GFOD2: variants seen among roughly 807,000 people sequenced by gnomAD.
GFOD2 encodes Gfo/Idh/MocA-like oxidoreductase domain containing 2.
GFOD2 carries 9 observed loss-of-function variants against 24.6 expected under a neutral mutation model. That is an observed-to-expected ratio of 0.37 (90% confidence interval 0.22 to 0.64). The LOEUF (loss-of-function observed/expected upper bound fraction) is 0.64, where lower values mean the gene tolerates loss of function less well. Ranked by LOEUF, GFOD2 falls within the 30% of genes least tolerant of loss-of-function variation. GFOD2 has a pLI of 0.65. For missense variants in GFOD2, 476 were observed against 532.5 expected, an observed-to-expected ratio of 0.89 and a Z score of 1.04; for synonymous variants, 211 against 224.8, an observed-to-expected ratio of 0.94 and a Z score of 0.55.
chr16:67,689,101 G>A (rs1288112068), intron 1 of GFOD2, among the ~76,000 whole-genome samples: 4 of 149,640 alleles, frequency 2.7e-5, no homozygotes, highest in Admixed American at 6.7e-5. Flanking sequence ...GTGCAGTGGC[G>A]CAATCTCAGC....
chr16:67,674,945 G>A lies in GFOD2; in HGVS notation c.*210C>T. On this transcript the variant is annotated 3_prime_UTR_variant, in exon 3 of 3. Transcript: ENST00000268797. ...GGCAGCTCTGCCCTGTGCACACCGT[G>A]GTAACCTGGCAACAGGAACATTTGC... The A allele has an allele frequency of 3.3e-6, 2 of 601,440 alleles. No individual in the cohort carries two copies. The highest frequency in any genetic ancestry group is 5.8e-6 in the Non-Finnish European group (2 of 342,622). The allele number at this position is 601,440 out of a possible 1,614,324, so 37.3% of individuals were successfully genotyped here.
chr16:67,712,099 G>A (rs1194194352), intron 1 of GFOD2, among the ~76,000 whole-genome samples: 2 of 152,080 alleles, frequency 1.3e-5, no homozygotes, highest in African/African-American at 2.4e-5. Flanking sequence ...CTAAATATTT[G>A]CTGAAAGAAT....
At chr16:67,698,586 C>G (rs1205291014) in intron 1 of GFOD2, among the ~76,000 whole-genome samples, 3 of 152,138 alleles carry the variant, frequency 2.0e-5, no homozygotes, top group Admixed American at 6.5e-5. Context: ...TCAAGCAAGT[C>G]TCCTGCCTCA....
At chr16:67,688,431 G>A (rs373944761) in intron 1 of GFOD2, among the ~76,000 whole-genome samples, 9 of 152,234 alleles carry the variant, frequency 5.9e-5, no homozygotes, top group African/African-American at 1.9e-4. Flanking sequence ...TCATTGTAGA[G>A]TTTTTCTTCT....
chr16:67,703,298 G>C (rs1400787403), intron 1 of GFOD2, among the ~76,000 whole-genome samples: 3 of 152,166 alleles, frequency 2.0e-5, no homozygotes, highest in Admixed American at 6.5e-5. Flanking sequence ...AGCCACTTGG[G>C]AGGCTGAGGC....
chr16:67,684,416 C>G (rs1427358401), intron 2 of GFOD2: 1 of 150,946 alleles, frequency 6.6e-6, no homozygotes, highest in African/African-American at 2.4e-5. Context: ...TAAAAAAATG[C>G]TGGGCATGGT....
intron 1 of GFOD2, 127 bp from the exon 2 acceptor site, chr16:67,685,929 T>C (rs1012696560): frequency 7.4e-6 from 4 of 544,008 alleles, no homozygotes; most frequent in Non-Finnish European, 1.3e-5. Context: ...GAAGGCTACT[T>C]TCAAATAAGG....
intron 1 of GFOD2, among the ~76,000 whole-genome samples, chr16:67,687,245 T>C (rs1237178122): frequency 6.6e-6 from 1 of 151,346 alleles, no homozygotes; most frequent in African/African-American, 2.4e-5. Context: ...TTAAGTATAA[T>C]TAAAATTTTC....
At chr16:67,682,944 G>C in intron 2 of GFOD2, 1 of 523,726 alleles carries the variant, frequency 1.9e-6, no homozygotes, top group Non-Finnish European at 2.4e-6. Context: ...TAGGTTTGGA[G>C]TGGGGCCTGA....
chr16:67,679,880 T>TC (rs1236376596), intron 2 of GFOD2, among the ~76,000 whole-genome samples: 4 of 149,864 alleles, frequency 2.7e-5, no homozygotes, highest in Non-Finnish European at 4.4e-5. Context: ...GAGCGAGACT[T>TC]CGTCTCAAAA....
chr16:67,687,598 G>A (rs1341697748), intron 1 of GFOD2, among the ~76,000 whole-genome samples: 5 of 136,954 alleles, frequency 3.7e-5, no homozygotes, highest in Admixed American at 2.5e-4. Flanking sequence ...GTGAGATCGC[G>A]CCAATGCACT....
chr16:67,707,017 C>T (rs1199096891), intron 1 of GFOD2, among the ~76,000 whole-genome samples: 2 of 151,064 alleles, frequency 1.3e-5, no homozygotes, highest in Non-Finnish European at 2.9e-5. Context: ...CGAGATCGCA[C>T]CACTGCACTC....
At chr16:67,701,029 T>G (rs754042202) in intron 1 of GFOD2, among the ~76,000 whole-genome samples, 50 of 143,202 alleles carry the variant, frequency 3.5e-4, no homozygotes, top group Admixed American at 5.6e-4. Context: ...AGAGTGAGAC[T>G]CTGTCTCAAA....
At chr16:67,681,637 T>C in intron 2 of GFOD2, 2 of 760,832 alleles carry the variant, frequency 2.6e-6, no homozygotes, top group Non-Finnish European at 3.2e-6. Context: ...ATTTAACTCC[T>C]GAGTTCAAGC....
chr16:67,703,178 C>A (rs1011137726), intron 1 of GFOD2, among the ~76,000 whole-genome samples: 1 of 151,882 alleles, frequency 6.6e-6, no homozygotes, highest in Non-Finnish European at 1.5e-5. Flanking sequence ...CTGAGGCGGG[C>A]GGATCACCTG....
In GFOD2 at chr16:67,685,430, G is replaced by A. The variant is rs757273101; in HGVS notation, c.259+27C>T. 5.0e-6 allele frequency: 8 copies of A among 1,614,008 alleles called. No homozygotes were observed. The Admixed American group carries it at 1.0e-4, about 20-fold the overall frequency. On this transcript the variant is annotated intron_variant, in intron 2 of 2. Transcript: ENST00000268797. Reference sequence around the variant, plus strand: ...CTGCCCAGAGGGAGAGACATGATCTGCCCCTGCTGTGGCCTGCCGGGCGTA... The same window carrying A: ...CTGCCCAGAGGGAGAGACATGATCTACCCCTGCTGTGGCCTGCCGGGCGTA...
chr16:67,675,788 C>G lies in GFOD2; in HGVS notation c.525G>C (p.Leu175Phe). Residue 175 changes from leucine (L) to phenylalanine (F), a missense_variant, in exon 3 of 3, where the codon TTG becomes TTC. Coordinates refer to ENST00000268797, the MANE Select transcript of GFOD2 (RefSeq NM_030819.4). Reference protein sequence around the residue: ...ICDELMGGGGLHTMGTYIVDL... With the variant: ...ICDELMGGGGFHTMGTYIVDL... ...CCACAATGTAGGTCCCCATGGTGTG[C>G]AAGCCCCCGCCGCCCATGAGCTCAT... The G allele has an allele frequency of 1.2e-6, 2 of 1,614,168 alleles. No individual in the cohort carries two copies. Among genetic ancestry groups the G allele is most frequent in the Non-Finnish European group, 1.7e-6 (2 of 1,180,042 alleles).
At chr16:67,686,633 C>T (rs922364396) in intron 1 of GFOD2, among the ~76,000 whole-genome samples, 29 of 151,646 alleles carry the variant, frequency 1.9e-4, no homozygotes, top group African/African-American at 6.1e-4. Flanking sequence ...AGTTCAAAAC[C>T]AGCCGGGTCA....
chr16:67,677,814 T>G (rs2053194277), intron 2 of GFOD2: 1 of 152,264 alleles, frequency 6.6e-6, no homozygotes, highest in Non-Finnish European at 1.5e-5. Context: ...GGGCTTCTCC[T>G]CCACAGCCAT....
Sources: allele counts gnomAD v4.1 joint callset (sites outside exome capture counted in the v4.1 genomes callset), GRCh38; gene constraint gnomAD v4.1.1; transcripts MANE v1.5; gene names NCBI Gene and HGNC (gene_info 2026-07-23, HGNC 2026-07-21).